ATXN1: variants seen among roughly 807,000 people sequenced by gnomAD.
ATXN1 encodes the protein ataxin-1.
Under a neutral mutation model 56.4 loss-of-function variants are expected in ATXN1, and 8 were observed. That is an observed-to-expected ratio of 0.14 (90% CI 0.08 to 0.26). ATXN1 has a LOEUF of 0.26. ATXN1 is among the 10% of genes least tolerant of loss of function. The pLI, the probability that ATXN1 is intolerant of heterozygous loss-of-function variation, is 1.00. For synonymous variants in ATXN1, 514 were observed against 494.6 expected (o/e 1.04, Z -0.52); for missense variants, 987 against 1,106.5 (o/e 0.89, Z 1.53).
chr6:16,566,748 C>T (rs542889643), intron 4 of ATXN1, among the ~76,000 whole-genome samples: 18 of 151,986 alleles, frequency 1.2e-4, no homozygotes, highest in Non-Finnish European at 1.8e-4. Context: ...CTCAGCTACT[C>T]GGGAGGCTGA....
rs181242824 is a variant in ATXN1, at chr6:16,683,693, T to C, written c.-614-25792A>G. Among the ~76,000 whole-genome samples the C allele has an allele frequency of 1.7e-3, 265 of 152,318 alleles. 1 individual carries two copies. The highest frequency in any genetic ancestry group is 5.9e-3 in the African/African-American group (245 of 41,554). On this transcript the variant is annotated intron_variant, in intron 2 of 7. Transcript: ENST00000436367. The stretch of plus-strand genomic sequence containing the variant: ...AACAGACAGTGCTCTGTTTGTAACT[T>C]TGAACTCCATTCTAGTACAAACATG...
intron 6 of ATXN1, among the ~76,000 whole-genome samples, chr6:16,338,412 G>C (rs552615951): frequency 6.6e-6 from 1 of 152,300 alleles, no homozygotes; most frequent in African/African-American, 2.4e-5. Context: ...AGAATCGCTT[G>C]AACCCAGGAG....
chr6:16,381,567 T>C (rs1758116000), intron 6 of ATXN1, among the ~76,000 whole-genome samples: 1 of 152,256 alleles, frequency 6.6e-6, no homozygotes, highest in African/African-American at 2.4e-5. Flanking sequence ...ATGCCGTTTG[T>C]GTGTGAAGGA....
rs546931170 is a variant in ATXN1, at chr6:16,665,897, A to G, written c.-614-7996T>C. Among the ~76,000 whole-genome samples the G allele has an allele frequency of 2.6e-4, 40 of 152,356 alleles. No homozygotes were observed. The South Asian group carries it at 3.7e-3, about 14-fold the overall frequency. On this transcript the variant is annotated intron_variant, in intron 2 of 7. Coordinates refer to ENST00000436367, the MANE Select transcript of ATXN1 (RefSeq NM_001128164.2). ...TGATCGTTGTGCATATTTATTGGGT[A>G]CATGTGATTTTTTGATACAAGCACA...
At chr6:16,754,051 C>T (rs1760809545) in intron 1 of ATXN1, 1 of 152,152 alleles carries the variant, frequency 6.6e-6, no homozygotes, top group Non-Finnish European at 1.5e-5. Flanking sequence ...ACCTTTCCAT[C>T]AGGGAGCTTG....
rs781671404 is a variant in ATXN1 at position 16,327,541 on chromosome 6, G to A, written c.770C>T (p.Thr257Ile). ...GGCCGGAGGAGAGGCGGTGCGGCCG[G>A]TGTTCTGCGGAGAACTGGAAATGTG... ...YVHISSSPQN[T>I]GRTASPPAIP... The change falls in exon 7 of 8, where the codon ACC (threonine) becomes ATC (isoleucine). Residue 257 changes from threonine (T) to isoleucine (I), a missense_variant. Physicochemically the swap from Thr to Ile is moderately conservative, Grantham distance 89 (BLOSUM62 -1). Around this residue, in one of 3 missense-constraint regions of ATXN1, gnomAD observed 723 missense variants for 791.7 expected, o/e 0.91. Transcript: ENST00000436367. The A allele has an allele frequency of 2.5e-6, 4 of 1,608,972 alleles. No homozygotes were observed. Among genetic ancestry groups the A allele is most frequent in the African/African-American group, 1.3e-5 (1 of 74,860 alleles).
intron 5 of ATXN1, among the ~76,000 whole-genome samples, chr6:16,498,871 G>A (rs1345950741): frequency 6.6e-6 from 1 of 152,096 alleles, no homozygotes; most frequent in East Asian, 1.9e-4. Flanking sequence ...TCTTTGAATT[G>A]TAAGAGTTCT....
Position 16,327,183 on chromosome 6 carries a change from C to G in ATXN1, c.1128G>C (p.Ser376=). The G allele has an allele frequency of 1.2e-6, 2 of 1,613,942 alleles. No individual in the cohort carries two copies. Among genetic ancestry groups the G allele is most frequent in the Non-Finnish European group, 1.7e-6 (2 of 1,180,020 alleles). Residue 376 remains serine (S), a synonymous_variant, in exon 7 of 8, where the codon TCG becomes TCC. Transcript: ENST00000436367. ...SPSDYSSRDP[S]GVRASVMVLP... ...GGACCATCACAGAGGCCCGGACCCCCGAAGGATCACGACTGCTGTAGTCTG... is the reference window on the plus strand; with the variant it reads ...GGACCATCACAGAGGCCCGGACCCCGGAAGGATCACGACTGCTGTAGTCTG...
In ATXN1 at chr6:16,306,643, T is replaced by C; in HGVS notation, c.2134A>G (p.Lys712Glu). The C allele has an allele frequency of 6.2e-7, 1 of 1,614,192 alleles. No individual in the cohort carries two copies. Among genetic ancestry groups the C allele is most frequent in the Non-Finnish European group, 8.5e-7 (1 of 1,180,042 alleles). Residue 712 changes from lysine (K) to glutamate (E), a missense_variant, in exon 8 of 8, where the codon AAG (lysine) becomes GAG (glutamate). Around this residue, in one of 3 missense-constraint regions of ATXN1, gnomAD observed 196 missense variants for 196.7 expected, o/e 1.00. Coordinates refer to ENST00000436367, the MANE Select transcript of ATXN1 (RefSeq NM_001128164.2). This position sits in a 1 kb window ranked among gnomAD's most constrained non-coding sequence, Gnocchi z 5.2. ...CTGCTGCCCGCCAGGCCGTCGGCCT[T>C]TGAGTGCTTCAGCAGGACGCTGGCG... ...DPASVLLKHS[K>E]ADGLAGSRHR...
chr6:16,711,539 CATATATATACACAT>C lies in ATXN1; in HGVS notation c.-615+41680_-615+41693del, dbSNP rs1314328173. Among the ~76,000 whole-genome samples the C allele has an allele frequency of 1.5e-4, 23 of 151,168 alleles. No homozygotes were observed. The East Asian group carries it at 3.3e-3, about 22-fold the overall frequency. On this transcript the variant is annotated intron_variant, in intron 2 of 7. Transcript: ENST00000436367. ...TATATAAAGAACTCATATATATACA[CATATATATACACAT>C]ATATATATACACACATATATGTAAG...
intron 6 of ATXN1, among the ~76,000 whole-genome samples, chr6:16,386,998 G>T (rs1169278966): frequency 6.6e-6 from 1 of 152,070 alleles, no homozygotes; most frequent in East Asian, 1.9e-4. Context: ...TACTCCCAGG[G>T]CTACTATTTC....
chr6:16,441,429 C>T (rs1561897159), intron 6 of ATXN1, among the ~76,000 whole-genome samples: 1 of 152,026 alleles, frequency 6.6e-6, no homozygotes, highest in Admixed American at 6.6e-5. Context: ...CAAGAAAACT[C>T]ATTCCACTTA....
chr6:16,648,934 A>C (rs1763847203), intron 3 of ATXN1, among the ~76,000 whole-genome samples: 1 of 151,760 alleles, frequency 6.6e-6, no homozygotes, highest in South Asian at 2.1e-4. Context: ...ATAGGAAAAA[A>C]CTCTATTTTA....
chr6:16,645,151 G>A (rs1251184937), intron 3 of ATXN1, among the ~76,000 whole-genome samples: 2 of 152,154 alleles, frequency 1.3e-5, no homozygotes, highest in Admixed American at 6.5e-5. Context: ...ATAAACGTGG[G>A]TTCCACCAGA....
At chr6:16,307,719 G>A (rs1760284958) in intron 7 of ATXN1, among the ~76,000 whole-genome samples, 1 of 150,616 alleles carries the variant, frequency 6.6e-6, no homozygotes. Flanking sequence ...CTTTCTAGAT[G>A]TAGTAGACTA....
chr6:16,687,836 C>G (rs1758951322), intron 2 of ATXN1, among the ~76,000 whole-genome samples: 1 of 152,054 alleles, frequency 6.6e-6, no homozygotes, highest in African/African-American at 2.4e-5. Context: ...ATAGAGGTCA[C>G]CAAAGCTGTA....
At chr6:16,449,852 A>G (rs1759718765) in intron 6 of ATXN1, among the ~76,000 whole-genome samples, 1 of 152,172 alleles carries the variant, frequency 6.6e-6, no homozygotes, top group Non-Finnish European at 1.5e-5. Context: ...ACAACAACAT[A>G]AAAAATATAC....
intron 6 of ATXN1, among the ~76,000 whole-genome samples, chr6:16,418,490 G>T (rs1432457837): frequency 6.6e-6 from 1 of 152,108 alleles, no homozygotes. Context: ...ATCAAAGAAG[G>T]AATAGAGAAG....
intron 2 of ATXN1, chr6:16,738,065 T>C (rs916367810): frequency 2.0e-5 from 3 of 152,206 alleles, no homozygotes; most frequent in Admixed American, 1.3e-4. Context: ...AAGTCCTTAA[T>C]GTACTTGGAA....
Sources: allele counts gnomAD v4.1 joint callset (sites outside exome capture counted in the v4.1 genomes callset), GRCh38; gene constraint gnomAD v4.1.1; regional missense constraint gnomAD v4.1.1; non-coding constraint Gnocchi (gnomAD v3.1); transcripts MANE v1.5; gene names NCBI Gene and HGNC (gene_info 2026-07-23, HGNC 2026-07-21).